EEIG1: variants seen among roughly 807,000 people sequenced by gnomAD.
EEIG1 encodes early estrogen-induced gene 1 protein.
the EEIG1 span, among the ~76,000 whole-genome samples, chr9:127,953,022 C>T: frequency 6.6e-5 from 10 of 151,954 alleles, no homozygotes; most frequent in Admixed American, 4.6e-4. Context: ...CAGCCGTACT[C>T]GGGAGGCTGA....
chr9:127,980,404 G>T, the EEIG1 span: 2 of 343,408 alleles, frequency 5.8e-6, no homozygotes, highest in African/African-American at 2.2e-5. Flanking sequence ...AAACAGCAGG[G>T]CATGGCCCAG....
chr9:127,944,134 C>T, the EEIG1 span: 1 of 185,418 alleles, frequency 5.4e-6, no homozygotes, highest in Non-Finnish European at 1.1e-5. Context: ...TCCCATCTAC[C>T]CCTGCCATCT....
chr9:127,956,003 A>G, the EEIG1 span, among the ~76,000 whole-genome samples: 1 of 152,222 alleles, frequency 6.6e-6, no homozygotes. Flanking sequence ...GAATGCACCT[A>G]GCTTGTTAGG....
the EEIG1 span, among the ~76,000 whole-genome samples, chr9:127,949,311 C>CAAAA: frequency 7.8e-5 from 7 of 90,082 alleles, no homozygotes; most frequent in East Asian, 3.5e-4. Context: ...GACTCTGTCT[C>CAAAA]AAAAAAAAAA....
the EEIG1 span, chr9:127,953,865 C>T: frequency 6.2e-7 from 1 of 1,614,022 alleles, no homozygotes; most frequent in East Asian, 2.2e-5. Flanking sequence ...GGTTAGCACT[C>T]ATCTTACACA....
At chr9:127,978,834 C>A in the EEIG1 span, among the ~76,000 whole-genome samples, 1 of 151,842 alleles carries the variant, frequency 6.6e-6, no homozygotes, top group African/African-American at 2.4e-5. Context: ...GAGACTCCAT[C>A]TAAAAAATAA....
chr9:127,968,088 C>T, the EEIG1 span, among the ~76,000 whole-genome samples: 1 of 151,238 alleles, frequency 6.6e-6, no homozygotes, highest in East Asian at 1.9e-4. Context: ...GTGTGAGCCA[C>T]CACGCCTGGC....
At chr9:127,948,477 C>A in the EEIG1 span, 5 of 1,536,388 alleles carry the variant, frequency 3.3e-6, no homozygotes, top group Non-Finnish European at 4.5e-6. Flanking sequence ...GCGCAGGGCC[C>A]CCTGCAGCCT....
At chr9:127,950,360 T>A in the EEIG1 span, 8 of 1,535,124 alleles carry the variant, frequency 5.2e-6, 1 homozygote, top group South Asian at 6.8e-5. Context: ...AGGATTCTGA[T>A]GAGCAGCCTG....
the EEIG1 span, among the ~76,000 whole-genome samples, chr9:127,957,350 A>C: frequency 6.6e-6 from 1 of 150,530 alleles, no homozygotes; most frequent in Non-Finnish European, 1.5e-5. Context: ...TGAAAAGAAG[A>C]AAGCAATTCC....
the EEIG1 span, chr9:127,943,135 A>G: frequency 1.9e-6 from 3 of 1,546,586 alleles, no homozygotes; most frequent in African/African-American, 1.4e-5. Context: ...TCATGGAATG[A>G]TACAGGTCTG....
chr9:127,943,081 A>T, the EEIG1 span: 1 of 954,232 alleles, frequency 1.0e-6, no homozygotes. Context: ...TGGAGGAGGC[A>T]TGGATGAGAT....
chr9:127,970,267 C>T, the EEIG1 span, among the ~76,000 whole-genome samples: 1 of 152,182 alleles, frequency 6.6e-6, no homozygotes, highest in African/African-American at 2.4e-5. Context: ...CAGGCATGCG[C>T]CACCATGCCC....
chr9:127,942,859 A>C, the EEIG1 span: 1 of 392,732 alleles, frequency 2.5e-6, no homozygotes, highest in Non-Finnish European at 4.8e-6. Context: ...GTCCTCAGCC[A>C]GAGGGCTGGG....
chr9:127,956,818 G>T, the EEIG1 span, among the ~76,000 whole-genome samples: 1 of 152,090 alleles, frequency 6.6e-6, no homozygotes, highest in African/African-American at 2.4e-5. Context: ...GGGTTCAAGT[G>T]ATTCTCGTGC....
chr9:127,944,725 G>C, the EEIG1 span: 1 of 1,612,042 alleles, frequency 6.2e-7, no homozygotes, highest in Non-Finnish European at 8.5e-7. Context: ...AGCGCGGCAG[G>C]GCCAGCCCTT....
the EEIG1 span, chr9:127,953,765 T>TAGCCC: frequency 6.2e-7 from 1 of 1,613,860 alleles, no homozygotes; most frequent in African/African-American, 1.3e-5. Flanking sequence ...GAGGGGCCTA[T>TAGCCC]AGCCCAGCCC....
chr9:127,954,340 T>C, the EEIG1 span, among the ~76,000 whole-genome samples: 1 of 152,184 alleles, frequency 6.6e-6, no homozygotes, highest in African/African-American at 2.4e-5. Flanking sequence ...TAGGCTGGAC[T>C]ACTCAGCCCA....
At chr9:127,950,510 C>G in the EEIG1 span, 1 of 1,613,942 alleles carries the variant, frequency 6.2e-7, no homozygotes, top group Non-Finnish European at 8.5e-7. Flanking sequence ...AGCCCGCAAA[C>G]TCGGCCAGGT....
Sources: gnomAD v4.1 joint callset for allele counts (sites outside exome capture counted in the v4.1 genomes callset) on GRCh38, gnomAD v4.1.1 for gene constraint, MANE v1.5 for transcripts, NCBI Gene and HGNC (gene_info 2026-07-23, HGNC 2026-07-21) for gene names.